COLGALT2: variants seen among roughly 807,000 people sequenced by gnomAD.
The protein encoded by COLGALT2 is procollagen galactosyltransferase 2.
COLGALT2 carries 49 observed loss-of-function variants against 73.4 expected under a neutral mutation model. The observed-to-expected ratio is 0.67, with a 90% CI of 0.53 to 0.85. The LOEUF (loss-of-function observed/expected upper bound fraction) is 0.85, where lower values mean the gene tolerates loss of function less well. Among genes scored for constraint, COLGALT2 ranks in the 40% least tolerant of loss-of-function variants. The pLI is 0.00. For missense variants in COLGALT2, 722 were observed against 790.2 expected (o/e 0.91, Z 1.03); for synonymous variants, 295 against 307.6 (o/e 0.96, Z 0.43).
chr1:184,015,645 C>G (rs1343288215), intron 1 of COLGALT2, among the ~76,000 whole-genome samples: 1 of 152,206 alleles, frequency 6.6e-6, no homozygotes, highest in Non-Finnish European at 1.5e-5. Context: ...GTTCTGAGAT[C>G]CCACGCAACA....
chr1:183,932,504 C>T (rs184802985), downstream of COLGALT2, among the ~76,000 whole-genome samples: 8 of 152,162 alleles, frequency 5.3e-5, no homozygotes, highest in Admixed American at 3.9e-4. Context: ...ATGGTCCAGA[C>T]GTGAAACTCT....
At chr1:183,939,943 G>A (rs1670062738) in intron 11 of COLGALT2, among the ~76,000 whole-genome samples, 1 of 152,184 alleles carries the variant, frequency 6.6e-6, no homozygotes, top group Non-Finnish European at 1.5e-5. Context: ...TAGTTTATTG[G>A]GGAGATTGAC....
At chr1:184,034,464 T>TC (rs1649611028) in intron 1 of COLGALT2, among the ~76,000 whole-genome samples, 1 of 152,142 alleles carries the variant, frequency 6.6e-6, no homozygotes, top group African/African-American at 2.4e-5. Context: ...ATTTGGTTCT[T>TC]CCCCAAACCC....
chr1:183,958,831 G>A (rs1456012604), intron 6 of COLGALT2, among the ~76,000 whole-genome samples: 1 of 150,648 alleles, frequency 6.6e-6, no homozygotes, highest in Non-Finnish European at 1.5e-5. Flanking sequence ...CTTGTGACTG[G>A]CATAAAACAT....
Position 183,935,997 on chromosome 1 carries a change from G to GT in COLGALT2, c.*2763_*2764insA, listed in dbSNP as rs1237766298. ...TGCAGCAGGCCTGAATGAACCGCAA[G>GT]CGGGGCCCATGCAGCGTGTCCTCTG... On this transcript the variant is annotated 3_prime_UTR_variant, in exon 12 of 12. Coordinates refer to ENST00000361927, the MANE Select transcript of COLGALT2 (RefSeq NM_015101.4). 41 of 979,728 alleles carry GT rather than the reference G, an allele frequency of 4.2e-5. No homozygotes were observed. The highest frequency in any genetic ancestry group is 4.8e-5 in the Non-Finnish European group (40 of 827,402). The allele number at this position is 979,728 out of a possible 1,614,324, so 60.7% of individuals were successfully genotyped here.
intron 1 of COLGALT2, among the ~76,000 whole-genome samples, chr1:184,027,901 C>T (rs544479247): frequency 6.6e-6 from 1 of 152,290 alleles, no homozygotes; most frequent in Non-Finnish European, 1.5e-5. Flanking sequence ...CCACAAAATC[C>T]ATTTGCAACA....
downstream of COLGALT2, among the ~76,000 whole-genome samples, chr1:183,931,557 A>G (rs562821267): frequency 2.5e-4 from 38 of 152,300 alleles, no homozygotes; most frequent in African/African-American, 8.9e-4. Flanking sequence ...ATCAACTGAC[A>G]GGAGTTAACA....
intron 1 of COLGALT2, among the ~76,000 whole-genome samples, chr1:184,013,552 C>A (rs892082091): frequency 6.6e-6 from 1 of 152,090 alleles, no homozygotes; most frequent in African/African-American, 2.4e-5. Context: ...ATGATTGCAG[C>A]ATGAGGGAAG....
At chr1:184,032,218 T>C (rs940208288) in intron 1 of COLGALT2, among the ~76,000 whole-genome samples, 3 of 152,166 alleles carry the variant, frequency 2.0e-5, no homozygotes, top group African/African-American at 4.8e-5. Context: ...TATACTAATA[T>C]TTTTTGTTGT....
At chr1:183,953,689 C>T (rs2986551) in intron 7 of COLGALT2, among the ~76,000 whole-genome samples, 120,552 of 152,096 alleles carry the variant, frequency 0.79, 48,031 homozygotes, top group East Asian at 0.99. Context: ...CTACTACATG[C>T]AGCTCATCTC....
chr1:184,023,415 T>A (rs1019351979), intron 1 of COLGALT2, among the ~76,000 whole-genome samples: 13 of 152,166 alleles, frequency 8.5e-5, no homozygotes, highest in Non-Finnish European at 8.8e-5. Context: ...AGCCTTTCCA[T>A]AGGAGGAGCT....
chr1:183,938,308 A>C lies in COLGALT2; in HGVS notation c.*453T>G. ...GATTCCTGTCCCCCAAAAGTTGCAC[A>C]CACAAGTTTTCAATGTCATATAAAA... On this transcript the variant is annotated 3_prime_UTR_variant, in exon 12 of 12. Transcript: ENST00000361927. The C allele has an allele frequency of 2.0e-6, 2 of 990,304 alleles. No individual in the cohort carries two copies. Among genetic ancestry groups the C allele is most frequent in the Non-Finnish European group, 2.4e-6 (2 of 832,736 alleles). The allele number at this position is 990,304 out of a possible 1,614,324, so 61.3% of individuals were successfully genotyped here.
At chr1:184,034,549 CT>C (rs1411222695) in intron 1 of COLGALT2, among the ~76,000 whole-genome samples, 1 of 152,152 alleles carries the variant, frequency 6.6e-6, no homozygotes, top group Non-Finnish European at 1.5e-5. Flanking sequence ...ACACACATAT[CT>C]AAATACACTT....
chr1:183,936,325 C>T lies in COLGALT2; in HGVS notation c.*2436G>A, dbSNP rs1477657080. On this transcript the variant is annotated 3_prime_UTR_variant, in exon 12 of 12. Transcript: ENST00000361927. ...AGAGATGACTTTAAAAAAAAAGTCACATCTGCGGCTCACAGTGTTCACCAG... is the reference window on the plus strand; with the variant it reads ...AGAGATGACTTTAAAAAAAAAGTCATATCTGCGGCTCACAGTGTTCACCAG... 10 of 982,486 alleles carry T rather than the reference C, an allele frequency of 1.0e-5. No individual in the cohort carries two copies. The highest frequency in any genetic ancestry group is 2.4e-6 in the Non-Finnish European group (2 of 828,518). 60.9% of individuals were successfully genotyped at this position (982,486 alleles called of 1,614,324 possible).
intron 1 of COLGALT2, among the ~76,000 whole-genome samples, chr1:184,016,131 T>G (rs1270240121): frequency 2.0e-5 from 3 of 152,222 alleles, no homozygotes; most frequent in Non-Finnish European, 4.4e-5. Flanking sequence ...TTATTAAATT[T>G]ATCTCAGAGT....
chr1:184,012,524 T>G (rs1345696086), intron 1 of COLGALT2, among the ~76,000 whole-genome samples: 1 of 152,264 alleles, frequency 6.6e-6, no homozygotes, highest in Non-Finnish European at 1.5e-5. Flanking sequence ...AATGAACCTT[T>G]GTTTTTACTG....
At chr1:184,031,347 C>T (rs1482811017) in intron 1 of COLGALT2, among the ~76,000 whole-genome samples, 1 of 152,118 alleles carries the variant, frequency 6.6e-6, no homozygotes, top group Non-Finnish European at 1.5e-5. Flanking sequence ...TTATGTACAA[C>T]CCACATTTTA....
At chr1:183,957,575 G>A (rs1413128314) in intron 6 of COLGALT2, among the ~76,000 whole-genome samples, 1 of 152,124 alleles carries the variant, frequency 6.6e-6, no homozygotes, top group Non-Finnish European at 1.5e-5. Flanking sequence ...TGCCTGGGCT[G>A]TTTTTGATTT....
At chr1:183,944,048 T>C (rs1309469265) in intron 10 of COLGALT2, 148 bp downstream of exon 10, 1 of 983,886 alleles carries the variant, frequency 1.0e-6, no homozygotes, top group African/African-American at 1.7e-5. Context: ...CTACCCATTT[T>C]TATTTCTGAG....
Sources: gnomAD v4.1 joint callset for allele counts (sites outside exome capture counted in the v4.1 genomes callset) on GRCh38, gnomAD v4.1.1 for gene constraint, MANE v1.5 for transcripts, NCBI Gene and HGNC (gene_info 2026-07-23, HGNC 2026-07-21) for gene names.